ABTB3: variants seen among roughly 807,000 people sequenced by gnomAD.
ABTB3 encodes the protein ankyrin repeat and BTB domain containing 3.
At chr12:107,541,685 A>G in the ABTB3 span, among the ~76,000 whole-genome samples, 1 of 152,252 alleles carries the variant, frequency 6.6e-6, no homozygotes, top group African/African-American at 2.4e-5. Flanking sequence ...TGCTTTTCTC[A>G]AAGTCTATTG....
At chr12:107,569,121 C>A in the ABTB3 span, among the ~76,000 whole-genome samples, 2 of 152,070 alleles carry the variant, frequency 1.3e-5, no homozygotes, top group African/African-American at 4.8e-5. Flanking sequence ...AAGACATTCT[C>A]AAATCCACCA....
chr12:107,522,279 C>A, the ABTB3 span, among the ~76,000 whole-genome samples: 2 of 152,260 alleles, frequency 1.3e-5, no homozygotes, highest in East Asian at 3.9e-4. Flanking sequence ...GACATTCAGA[C>A]TATGGCAACT....
the ABTB3 span, among the ~76,000 whole-genome samples, chr12:107,609,806 G>A: frequency 6.6e-6 from 1 of 152,186 alleles, no homozygotes; most frequent in African/African-American, 2.4e-5. Context: ...CCTTGGGCAG[G>A]GCCCTTATCT....
At chr12:107,561,778 C>A in the ABTB3 span, among the ~76,000 whole-genome samples, 2 of 152,206 alleles carry the variant, frequency 1.3e-5, no homozygotes, top group Non-Finnish European at 2.9e-5. Flanking sequence ...TTACTCCCCC[C>A]TCTTACTCCT....
At chr12:107,541,052 T>TAATC in the ABTB3 span, among the ~76,000 whole-genome samples, 1 of 152,226 alleles carries the variant, frequency 6.6e-6, no homozygotes, top group Middle Eastern at 3.4e-3. Flanking sequence ...GCTGCATCTA[T>TAATC]AATCAATCAA....
At chr12:107,455,945 T>C in the ABTB3 span, among the ~76,000 whole-genome samples, 2 of 152,192 alleles carry the variant, frequency 1.3e-5, no homozygotes, top group Non-Finnish European at 2.9e-5. Flanking sequence ...AATCTTGTTA[T>C]AGCACCATCA....
At chr12:107,318,720 G>T in the ABTB3 span, 2 of 521,788 alleles carry the variant, frequency 3.8e-6, no homozygotes, top group Admixed American at 3.5e-5. Context: ...GCCCAGCTCC[G>T]GCCCGGACTC....
the ABTB3 span, among the ~76,000 whole-genome samples, chr12:107,628,885 G>A: frequency 6.6e-6 from 1 of 152,188 alleles, no homozygotes; most frequent in Non-Finnish European, 1.5e-5. Flanking sequence ...TGAAGGGCCA[G>A]AACTAGGACC....
the ABTB3 span, among the ~76,000 whole-genome samples, chr12:107,606,135 G>A: frequency 2.6e-5 from 4 of 152,092 alleles, no homozygotes; most frequent in Non-Finnish European, 5.9e-5. Context: ...CAGGATGGGG[G>A]GTCAGGTCAA....
At chr12:107,572,812 T>G in the ABTB3 span, among the ~76,000 whole-genome samples, 1 of 152,046 alleles carries the variant, frequency 6.6e-6, no homozygotes, top group Non-Finnish European at 1.5e-5. Context: ...GCAGGCAGGG[T>G]CAAGGTTGTT....
chr12:107,527,906 T>G, the ABTB3 span, among the ~76,000 whole-genome samples: 1 of 152,230 alleles, frequency 6.6e-6, no homozygotes, highest in South Asian at 2.1e-4. Flanking sequence ...GGTTTCCTCA[T>G]CTGTGCTGTG....
the ABTB3 span, among the ~76,000 whole-genome samples, chr12:107,654,815 TACACACACACACACACACAC>T: frequency 1.2e-3 from 165 of 141,294 alleles, 1 homozygote; most frequent in African/African-American, 4.0e-3. Context: ...CTACATTGTA[TACACACACACACACACACAC>T]ACACACACAC....
chr12:107,455,883 C>T, the ABTB3 span, among the ~76,000 whole-genome samples: 1 of 152,126 alleles, frequency 6.6e-6, no homozygotes, highest in East Asian at 1.9e-4. Flanking sequence ...CTAGGGCACC[C>T]AGAGAGGGAG....
At chr12:107,553,865 G>A in the ABTB3 span, among the ~76,000 whole-genome samples, 23 of 152,276 alleles carry the variant, frequency 1.5e-4, no homozygotes, top group African/African-American at 4.8e-4. Flanking sequence ...ACTTGAACCC[G>A]GGAGGTGGAG....
At chr12:107,422,240 C>T in the ABTB3 span, among the ~76,000 whole-genome samples, 1 of 152,024 alleles carries the variant, frequency 6.6e-6, no homozygotes, top group Non-Finnish European at 1.5e-5. Flanking sequence ...ATGATATAAG[C>T]AAGGCCAGCA....
the ABTB3 span, among the ~76,000 whole-genome samples, chr12:107,648,415 A>ACACACACACACACACACACACACACAC: frequency 1.3e-5 from 1 of 76,614 alleles, no homozygotes; most frequent in Admixed American, 1.4e-4. Flanking sequence ...CACACACACA[A>ACACACACACACACACACACACACACAC]AGACAATAGG....
the ABTB3 span, among the ~76,000 whole-genome samples, chr12:107,432,109 T>G: frequency 6.6e-6 from 1 of 152,226 alleles, no homozygotes; most frequent in Non-Finnish European, 1.5e-5. Context: ...CATTTCTGTG[T>G]ATAAGGAGGT....
the ABTB3 span, among the ~76,000 whole-genome samples, chr12:107,651,075 C>G: frequency 6.6e-6 from 1 of 151,792 alleles, no homozygotes; most frequent in Admixed American, 6.6e-5. Context: ...CTCCCAAAAG[C>G]CTGTCGTTCT....
chr12:107,635,831 C>T, the ABTB3 span, among the ~76,000 whole-genome samples: 1 of 142,426 alleles, frequency 7.0e-6, no homozygotes, highest in Non-Finnish European at 1.5e-5. Context: ...CTACAGGAAA[C>T]TAGGAGAAGG....
Sources: gnomAD v4.1 joint callset for allele counts (sites outside exome capture counted in the v4.1 genomes callset) on GRCh38, gnomAD v4.1.1 for gene constraint, MANE v1.5 for transcripts, NCBI Gene and HGNC (gene_info 2026-07-23, HGNC 2026-07-21) for gene names.